PDZRN4: variants seen among roughly 807,000 people sequenced by gnomAD.
PDZRN4 encodes the protein PDZ domain-containing RING finger protein 4.
Under a neutral mutation model 99.0 loss-of-function variants are expected in PDZRN4, and 70 were observed. The ratio of observed to expected loss-of-function variants is 0.71; its 90% CI spans 0.58 to 0.86. The LOEUF is 0.86. PDZRN4 is among the 40% of genes least tolerant of loss of function. PDZRN4 has a pLI of 0.00. For missense variants in PDZRN4, 1,474 were observed against 1,331.2 expected, an observed-to-expected ratio of 1.11 and a Z score of -1.67; for synonymous variants, 551 against 501.6, an observed-to-expected ratio of 1.10 and a Z score of -1.32.
rs567052335 is a variant in PDZRN4 at position 41,565,322 on chromosome 12, G to T, written c.1467+1673G>T. Among the ~76,000 whole-genome samples the T allele has an allele frequency of 2.7e-5, 4 of 150,442 alleles. No homozygotes were observed. The South Asian group carries it at 8.4e-4, about 32-fold the overall frequency. On this transcript the variant is annotated intron_variant, in intron 8 of 9. Transcript: ENST00000402685. ...AAAGAAACCTTCATGACACTGGAAG[G>T]AAGCTAATTGCCTATAGAAAAAAAA...
intron 3 of PDZRN4, among the ~76,000 whole-genome samples, chr12:41,332,297 C>G (rs1951745389): frequency 6.6e-6 from 1 of 151,984 alleles, no homozygotes; most frequent in African/African-American, 2.4e-5. Flanking sequence ...GAACGTTTGC[C>G]TGTAAGTTGG....
chr12:41,330,619 C>T (rs1242631054), intron 3 of PDZRN4, among the ~76,000 whole-genome samples: 1 of 151,706 alleles, frequency 6.6e-6, no homozygotes, highest in African/African-American at 2.4e-5. Context: ...CTGGAATAAG[C>T]TTCTATAAAT....
intron 3 of PDZRN4, among the ~76,000 whole-genome samples, chr12:41,346,198 C>T (rs977731695): frequency 1.3e-5 from 2 of 152,182 alleles, no homozygotes; most frequent in Non-Finnish European, 2.9e-5. Context: ...CACGGTGGCT[C>T]ACGCCTGTAA....
intron 3 of PDZRN4, among the ~76,000 whole-genome samples, chr12:41,240,766 T>C (rs192851051): frequency 2.0e-5 from 3 of 152,304 alleles, no homozygotes; most frequent in Admixed American, 2.0e-4. Flanking sequence ...GCTAACTCTC[T>C]GGGATCTCTT....
At chr12:41,568,737 CTGATA>C (rs1280680582) in intron 9 of PDZRN4, among the ~76,000 whole-genome samples, 2 of 151,890 alleles carry the variant, frequency 1.3e-5, no homozygotes, top group Non-Finnish European at 2.9e-5. Flanking sequence ...ATTTATCTGC[CTGATA>C]TAATTTTGTT....
chr12:41,247,345 G>T (rs992803153), intron 3 of PDZRN4, among the ~76,000 whole-genome samples: 1 of 152,286 alleles, frequency 6.6e-6, no homozygotes, highest in African/African-American at 2.4e-5. Context: ...CAGATTTTCA[G>T]GCCCCAGTAA....
intron 3 of PDZRN4, among the ~76,000 whole-genome samples, chr12:41,252,114 T>TTAAA (rs111411007): frequency 0.011 from 1,673 of 149,188 alleles, 33 homozygotes; most frequent in African/African-American, 0.037. Context: ...AGACCCTGTT[T>TTAAA]TAAATAAATA....
In PDZRN4 at chr12:41,563,619, C is replaced by T. The variant is rs763952366; in HGVS notation, c.1437C>T (p.Ile479=). The change falls in exon 8 of 10, where the codon ATC becomes ATT. Residue 479 remains isoleucine, a synonymous_variant. Coordinates refer to ENST00000402685, the MANE Select transcript of PDZRN4 (RefSeq NM_001164595.2). ...TGTCTAACGATGAGTGTAAGAGAAT[C>T]GTGCTGCTTGTTGCAAGGCCAGAGA... ...ALLSNDECKR[I]VLLVARPEIQ... The T allele has an allele frequency of 1.2e-6, 2 of 1,613,136 alleles. No individual in the cohort carries two copies. The highest frequency in any genetic ancestry group is 1.7e-5 in the Admixed American group (1 of 59,934).
chr12:41,482,734 A>G (rs979802096), intron 3 of PDZRN4, among the ~76,000 whole-genome samples: 4 of 152,106 alleles, frequency 2.6e-5, no homozygotes, highest in East Asian at 3.9e-4. Flanking sequence ...GTCTCAGAGA[A>G]GAACATTTTA....
intron 3 of PDZRN4, among the ~76,000 whole-genome samples, chr12:41,201,842 T>C (rs1341022437): frequency 6.6e-6 from 1 of 152,148 alleles, no homozygotes; most frequent in Non-Finnish European, 1.5e-5. Flanking sequence ...CTGTTTCTTA[T>C]AGCCTATAAA....
At chr12:41,393,385 T>C (rs191137563) in intron 3 of PDZRN4, among the ~76,000 whole-genome samples, 1 of 152,274 alleles carries the variant, frequency 6.6e-6, no homozygotes, top group African/African-American at 2.4e-5. Flanking sequence ...CAATTAGTTG[T>C]AGCAAGTACA....
chr12:41,222,216 G>C (rs1950960093), intron 3 of PDZRN4, among the ~76,000 whole-genome samples: 1 of 152,102 alleles, frequency 6.6e-6, no homozygotes, highest in Admixed American at 6.6e-5. Context: ...GGTATTTTTT[G>C]CTAGGCATGG....
chr12:41,241,536 T>C (rs1951101849), intron 3 of PDZRN4, among the ~76,000 whole-genome samples: 1 of 151,738 alleles, frequency 6.6e-6, no homozygotes, highest in African/African-American at 2.4e-5. Flanking sequence ...GTGTTACTTA[T>C]CTCCTCTGAA....
At chr12:41,480,353 G>T (rs1436162757) in intron 3 of PDZRN4, among the ~76,000 whole-genome samples, 1 of 152,080 alleles carries the variant, frequency 6.6e-6, no homozygotes, top group Non-Finnish European at 1.5e-5. Flanking sequence ...GAAATAAAAT[G>T]TATTCCCACC....
chr12:41,561,747 T>G (rs1163238200), intron 7 of PDZRN4, among the ~76,000 whole-genome samples: 2 of 151,724 alleles, frequency 1.3e-5, no homozygotes, highest in African/African-American at 4.8e-5. Context: ...GTGCCTGTAG[T>G]GGAGAGGAGA....
rs143792941 is a variant in PDZRN4 at position 41,410,456 on chromosome 12, C to T, written c.844-96000C>T. Among the ~76,000 whole-genome samples, 440 of 152,270 alleles carry T rather than the reference C, an allele frequency of 2.9e-3. 3 individuals are homozygous for T. The highest frequency in any genetic ancestry group is 6.7e-3 in the African/African-American group (280 of 41,552). Reference sequence around the variant, plus strand: ...GCAACTAAGACTTCCTTATCATAGGCAATGCTATAATTAACATATCTACTG... The same window carrying T: ...GCAACTAAGACTTCCTTATCATAGGTAATGCTATAATTAACATATCTACTG... On this transcript the variant is annotated intron_variant, in intron 3 of 9. Transcript: ENST00000402685.
At chr12:41,235,945 A>C (rs1018143517) in intron 3 of PDZRN4, among the ~76,000 whole-genome samples, 4 of 152,204 alleles carry the variant, frequency 2.6e-5, no homozygotes, top group African/African-American at 9.6e-5. Context: ...ATTAAAGCTA[A>C]AGAGTTATAT....
chr12:41,472,594 G>T (rs572408685), intron 3 of PDZRN4, among the ~76,000 whole-genome samples: 2 of 152,252 alleles, frequency 1.3e-5, no homozygotes, highest in South Asian at 2.1e-4. Flanking sequence ...ATGTAGAAAA[G>T]TTCAATGTTT....
chr12:41,203,149 CCT>C (rs2120670605), intron 3 of PDZRN4, among the ~76,000 whole-genome samples: 1 of 151,234 alleles, frequency 6.6e-6, no homozygotes, highest in Admixed American at 6.6e-5. Context: ...GAAAAAAAAA[CCT>C]GTTATTGATT....
Sources: gnomAD v4.1 joint callset for allele counts (sites outside exome capture counted in the v4.1 genomes callset) on GRCh38, gnomAD v4.1.1 for gene constraint, MANE v1.5 for transcripts, NCBI Gene and HGNC (gene_info 2026-07-23, HGNC 2026-07-21) for gene names.